FAM227B: variants seen among roughly 807,000 people sequenced by gnomAD.
The protein encoded by FAM227B is protein FAM227B.
A neutral mutation model predicts 73.8 loss-of-function variants in FAM227B; 88 were observed. The ratio of observed to expected loss-of-function variants is 1.19; its 90% CI spans 1.00 to 1.42. The LOEUF is 1.42. Among genes scored for constraint, FAM227B ranks in the 40% most tolerant of loss-of-function variants. The pLI is 0.00. For missense variants in FAM227B, 632 were observed against 590.9 expected, an observed-to-expected ratio of 1.07 and a Z score of -0.72; for synonymous variants, 210 against 190.5, an observed-to-expected ratio of 1.10 and a Z score of -0.84.
At chr15:49,523,876 C>A (rs2059960198) in intron 10 of FAM227B, among the ~76,000 whole-genome samples, 1 of 152,170 alleles carries the variant, frequency 6.6e-6, no homozygotes. Context: ...CATTTAGGCC[C>A]TGCCCTAGAG....
intron 13 of FAM227B, chr15:49,366,204 A>G (rs772543862): frequency 2.5e-6 from 2 of 796,406 alleles, no homozygotes; most frequent in Non-Finnish European, 2.3e-6. Context: ...GATGGAGAAC[A>G]CATTTTCACA....
At chr15:49,618,552 C>A (rs1466720497) in intron 1 of FAM227B, among the ~76,000 whole-genome samples, 1 of 152,168 alleles carries the variant, frequency 6.6e-6, no homozygotes, top group East Asian at 1.9e-4. Context: ...TGACATTTAC[C>A]TAGACAGTAG....
At chr15:49,528,202 T>C (rs998068455) in intron 10 of FAM227B, among the ~76,000 whole-genome samples, 4 of 151,846 alleles carry the variant, frequency 2.6e-5, no homozygotes, top group African/African-American at 9.7e-5. Context: ...CCCACATATC[T>C]GCAACCAATT....
intron 13 of FAM227B, chr15:49,366,180 C>G: frequency 1.2e-6 from 1 of 833,312 alleles, no homozygotes; most frequent in African/African-American, 1.7e-5. Flanking sequence ...ATAGTATAAT[C>G]AAAGTTAGGC....
At chr15:49,377,381 C>T (rs2046237142) in intron 11 of FAM227B, among the ~76,000 whole-genome samples, 1 of 151,936 alleles carries the variant, frequency 6.6e-6, no homozygotes. Context: ...GGTACATATC[C>T]AGCAGTGAGA....
intron 12 of FAM227B, chr15:49,367,841 T>C (rs1392130592): frequency 1.1e-5 from 2 of 189,716 alleles, no homozygotes; most frequent in Non-Finnish European, 1.9e-5. Context: ...ATATAGGCAA[T>C]AGACATTATT....
chr15:49,490,358 G>C (rs1403847037), intron 11 of FAM227B, among the ~76,000 whole-genome samples: 2 of 151,928 alleles, frequency 1.3e-5, no homozygotes, highest in Non-Finnish European at 1.5e-5. Context: ...AGCAGCCAAA[G>C]TGATTCTGTT....
At chr15:49,577,086 C>T (rs564581508) in intron 6 of FAM227B, 3 of 372,448 alleles carry the variant, frequency 8.1e-6, no homozygotes, top group African/African-American at 2.1e-5. Context: ...CACTTGAGGT[C>T]GGGAGTTCGA....
chr15:49,604,906 A>AT (rs1034720973), intron 3 of FAM227B, among the ~76,000 whole-genome samples: 9 of 151,728 alleles, frequency 5.9e-5, no homozygotes, highest in African/African-American at 9.7e-5. Context: ...ATTTTTCATG[A>AT]TTTTTTATCT....
intron 10 of FAM227B, among the ~76,000 whole-genome samples, chr15:49,525,718 A>ATC (rs2060147799): frequency 9.7e-5 from 9 of 92,372 alleles, no homozygotes; most frequent in African/African-American, 3.5e-4. Flanking sequence ...ATATATATAT[A>ATC]TCACAAACAG....
chr15:49,459,218 GC>G (rs1363248446), intron 11 of FAM227B, among the ~76,000 whole-genome samples: 2 of 152,138 alleles, frequency 1.3e-5, no homozygotes, highest in Admixed American at 1.3e-4. Context: ...AGCTGTCCTG[GC>G]CAGAGGAGGA....
chr15:49,524,791 C>T (rs1174366118), intron 10 of FAM227B, among the ~76,000 whole-genome samples: 1 of 152,224 alleles, frequency 6.6e-6, no homozygotes, highest in Non-Finnish European at 1.5e-5. Context: ...GGATGTGAGA[C>T]ATGGAGTCAA....
intron 11 of FAM227B, chr15:49,488,129 G>A (rs2056560544): frequency 6.6e-6 from 1 of 151,872 alleles, no homozygotes; most frequent in Non-Finnish European, 1.5e-5. Context: ...ACTAACTTGT[G>A]GGTATCATTT....
intron 13 of FAM227B, among the ~76,000 whole-genome samples, chr15:49,363,354 T>G (rs2044581618): frequency 6.6e-6 from 1 of 152,094 alleles, no homozygotes; most frequent in Non-Finnish European, 1.5e-5. Context: ...TGGTTAGCTG[T>G]ATTCCTAGGT....
intron 11 of FAM227B, among the ~76,000 whole-genome samples, chr15:49,415,396 C>A (rs2049143635): frequency 1.3e-5 from 2 of 151,980 alleles, no homozygotes; most frequent in Non-Finnish European, 2.9e-5. Flanking sequence ...AAACTAGGTA[C>A]CAATGTAAAG....
At chr15:49,385,265 C>T (rs1361464420) in intron 11 of FAM227B, among the ~76,000 whole-genome samples, 1 of 151,902 alleles carries the variant, frequency 6.6e-6, no homozygotes, top group African/African-American at 2.4e-5. Flanking sequence ...ATTAGTTAAG[C>T]ACATAGGCTT....
rs79741360 is a variant in FAM227B at position 49,495,383 on chromosome 15, G to A, written c.1012+12828C>T. On this transcript the variant is annotated intron_variant, in intron 11 of 15. Coordinates refer to ENST00000299338, the MANE Select transcript of FAM227B (RefSeq NM_152647.3). ...TCCGTTAAATTTCTACCAAATTTCCGGTTCTTTGGGCTACTCTGTGCCTTA... is the reference window on the plus strand; with the variant it reads ...TCCGTTAAATTTCTACCAAATTTCCAGTTCTTTGGGCTACTCTGTGCCTTA... Among the ~76,000 whole-genome samples the A allele has an allele frequency of 3.6e-3, 545 of 152,080 alleles. 3 individuals carry two copies. Among genetic ancestry groups the A allele is most frequent in the African/African-American group, 0.012 (515 of 41,488 alleles).
At chr15:49,493,981 T>C (rs2152067282) in intron 11 of FAM227B, among the ~76,000 whole-genome samples, 1 of 151,752 alleles carries the variant, frequency 6.6e-6, no homozygotes, top group East Asian at 1.9e-4. Flanking sequence ...TTTAAAACAA[T>C]TACATACCTA....
intron 9 of FAM227B, among the ~76,000 whole-genome samples, chr15:49,554,593 T>G (rs778752744): frequency 3.3e-5 from 5 of 152,198 alleles, no homozygotes; most frequent in Non-Finnish European, 7.3e-5. Flanking sequence ...CTGAGTTAAC[T>G]ATCTCACAAT....
Sources: gnomAD v4.1 joint callset for allele counts (sites outside exome capture counted in the v4.1 genomes callset) on GRCh38, gnomAD v4.1.1 for gene constraint, MANE v1.5 for transcripts, NCBI Gene and HGNC (gene_info 2026-07-23, HGNC 2026-07-21) for gene names.